The following WFDC9 variants were observed in gnomAD, a reference collection of about 807,000 sequenced individuals.
WFDC9 encodes WAP four-disulfide core domain 9.
In WFDC9, 9 loss-of-function variants were observed where a neutral mutation model predicts 9.5. The ratio of observed to expected loss-of-function variants is 0.95; its 90% confidence interval spans 0.57 to 1.65. The LOEUF (loss-of-function observed/expected upper bound fraction) is 1.65. Ranked by LOEUF, WFDC9 falls within the 40% of genes most tolerant of loss-of-function variation. The probability of loss-of-function intolerance (pLI) is 0.00; values close to 1 mark genes in which losing one functional copy is unlikely to be tolerated. For missense variants in WFDC9, 87 were observed against 106.7 expected, an observed-to-expected ratio of 0.82 and a Z score of 0.81; for synonymous variants, 33 against 32.3, an observed-to-expected ratio of 1.02 and a Z score of -0.07.
At chr20:45,622,817 T>G (rs1293961646) in intron 1 of WFDC9, among the ~76,000 whole-genome samples, 1 of 152,212 alleles carries the variant, frequency 6.6e-6, no homozygotes, top group Non-Finnish European at 1.5e-5. Flanking sequence ...TATCAGTCAT[T>G]CAGTGTGAGT....
chr20:45,625,804 A>ATTTT (rs1303424661), intron 1 of WFDC9, among the ~76,000 whole-genome samples: 19 of 42,928 alleles, frequency 4.4e-4, no homozygotes, highest in East Asian at 2.0e-3. Flanking sequence ...TAGGTTCTCT[A>ATTTT]TTCTTTTTTT....
In WFDC9 at chr20:45,610,176, C is replaced by T. The variant is rs752435711; in HGVS notation, c.6G>A (p.Lys2=). 1 of 1,613,960 alleles carries T rather than the reference C, an allele frequency of 6.2e-7. No individual in the cohort carries two copies. Among genetic ancestry groups the T allele is most frequent in the Middle Eastern group, 1.7e-4 (1 of 6,056 alleles). M[K]PWILLLVMFI... The stretch of plus-strand genomic sequence containing the variant: ...ACATGACGAGTAGAAGAATCCAGGG[C>T]TTCATGGTGCTCTCTGTGTGTATTT... The change falls in exon 3 of 5, where the codon AAG becomes AAA. Residue 2 remains lysine, a synonymous_variant. Coordinates refer to ENST00000326000, the MANE Select transcript of WFDC9 (RefSeq NM_147198.4).
intron 1 of WFDC9, among the ~76,000 whole-genome samples, chr20:45,621,687 T>A (rs1388580430): frequency 6.6e-6 from 1 of 152,192 alleles, no homozygotes; most frequent in African/African-American, 2.4e-5. Flanking sequence ...ACTGTGTTTG[T>A]CTCTCATGAG....
At chr20:45,626,042 G>A (rs1195270185) in intron 1 of WFDC9, among the ~76,000 whole-genome samples, 2 of 151,762 alleles carry the variant, frequency 1.3e-5, no homozygotes, top group Admixed American at 6.6e-5. Flanking sequence ...GGCTGATCTC[G>A]AACACCTGAC....
At chr20:45,629,710 C>A (rs1982308095) in intron 1 of WFDC9, 2 of 1,419,360 alleles carry the variant, frequency 1.4e-6, no homozygotes, top group Non-Finnish European at 1.9e-6. Context: ...CAGTGAGGAG[C>A]TAAAGATCAT....
chr20:45,609,106 T>A (rs995886300), intron 3 of WFDC9, among the ~76,000 whole-genome samples: 1 of 152,138 alleles, frequency 6.6e-6, no homozygotes, highest in Non-Finnish European at 1.5e-5. Context: ...AACCTTAGAT[T>A]TCAGGGCCTG....
chr20:45,628,575 A>T (rs908736047), intron 1 of WFDC9, among the ~76,000 whole-genome samples: 3 of 152,250 alleles, frequency 2.0e-5, no homozygotes, highest in African/African-American at 7.2e-5. Context: ...GACAAAAAGA[A>T]AAACTAGGAA....
intron 1 of WFDC9, among the ~76,000 whole-genome samples, chr20:45,615,855 G>A (rs1401756927): frequency 6.6e-6 from 1 of 152,110 alleles, no homozygotes; most frequent in Non-Finnish European, 1.5e-5. Context: ...GTGTTCAATA[G>A]CATTATGTAT....
At chr20:45,620,243 A>G (rs1201225398) in intron 1 of WFDC9, among the ~76,000 whole-genome samples, 1 of 152,146 alleles carries the variant, frequency 6.6e-6, no homozygotes, top group Non-Finnish European at 1.5e-5. Context: ...ATTGTATGGC[A>G]TTAGTCATTT....
intron 1 of WFDC9, among the ~76,000 whole-genome samples, chr20:45,622,515 C>A (rs1277178824): frequency 1.3e-5 from 2 of 152,154 alleles, no homozygotes; most frequent in Non-Finnish European, 2.9e-5. Context: ...CTTCCACATA[C>A]CTTAATCTTC....
chr20:45,619,779 C>G (rs1008114953), intron 1 of WFDC9, among the ~76,000 whole-genome samples: 2 of 152,164 alleles, frequency 1.3e-5, no homozygotes, highest in African/African-American at 4.8e-5. Flanking sequence ...AATCCCAGCA[C>G]TTTGGGAGGC....
chr20:45,623,885 C>T (rs1424271976), intron 1 of WFDC9, among the ~76,000 whole-genome samples: 4 of 152,236 alleles, frequency 2.6e-5, no homozygotes, highest in South Asian at 2.1e-4. Context: ...CTAGCTATGA[C>T]GTTGTATCCT....
At chr20:45,608,612 C>A in intron 4 of WFDC9, 51 bp downstream of exon 4, 1 of 1,572,914 alleles carries the variant, frequency 6.4e-7, no homozygotes, top group South Asian at 1.2e-5. Context: ...TCGGTAAGGA[C>A]CAGTGATGAA....
At chr20:45,608,633 G>A (rs761814381) in intron 4 of WFDC9, 30 bp downstream of exon 4, 2 of 1,600,300 alleles carry the variant, frequency 1.2e-6, no homozygotes, top group Non-Finnish European at 8.5e-7. Flanking sequence ...GCATGCCCAG[G>A]CCCTAGCCTT....
At chr20:45,611,261 A>T (rs1981853836) in intron 2 of WFDC9, among the ~76,000 whole-genome samples, 1 of 152,072 alleles carries the variant, frequency 6.6e-6, no homozygotes, top group African/African-American at 2.4e-5. Flanking sequence ...GTGGAGGAAT[A>T]GAATTACAAA....
chr20:45,623,930 C>T (rs906151798), intron 1 of WFDC9, among the ~76,000 whole-genome samples: 1 of 152,156 alleles, frequency 6.6e-6, no homozygotes, highest in Non-Finnish European at 1.5e-5. Flanking sequence ...CAGTGGCTCA[C>T]GCCTGTTATC....
chr20:45,625,807 C>CTTCTTTTTTTTTTTTTTTTTTT (rs1982204690), intron 1 of WFDC9, among the ~76,000 whole-genome samples: 1 of 46,416 alleles, frequency 2.2e-5, no homozygotes, highest in Non-Finnish European at 3.7e-5. Context: ...GTTCTCTATT[C>CTTCTTTTTTTTTTTTTTTTTTT]TTTTTTTTTT....
chr20:45,608,668 G>A lies in WFDC9; in HGVS notation c.234C>T (p.Asp78=). The change falls in exon 4 of 5, where the codon GAC becomes GAT. Residue 78 remains aspartate (D), a synonymous_variant. Transcript: ENST00000326000. ...CWTYCGNICL[D]NEEPLKSMLN... ...TCCCACCCCAACCAACTCACTCGTTGTCTAAGCAGATGTTTCCACAGTAGG... is the reference window on the plus strand; with the variant it reads ...TCCCACCCCAACCAACTCACTCGTTATCTAAGCAGATGTTTCCACAGTAGG... The A allele has an allele frequency of 6.2e-7, 1 of 1,612,276 alleles. No homozygotes were observed. Among genetic ancestry groups the A allele is most frequent in the Non-Finnish European group, 8.5e-7 (1 of 1,179,014 alleles).
At chr20:45,629,371 T>C (rs1464556587) in intron 1 of WFDC9, among the ~76,000 whole-genome samples, 1 of 152,134 alleles carries the variant, frequency 6.6e-6, no homozygotes, top group Non-Finnish European at 1.5e-5. Context: ...GTGGCAAAAA[T>C]AGATAACAAA....
Sources: allele counts gnomAD v4.1 joint callset (sites outside exome capture counted in the v4.1 genomes callset), GRCh38; gene constraint gnomAD v4.1.1; transcripts MANE v1.5; gene names NCBI Gene and HGNC (gene_info 2026-07-23, HGNC 2026-07-21).